CADM2: variants seen among roughly 807,000 people sequenced by gnomAD.
CADM2 encodes the protein immunoglobulin superfamily member 4D.
Under a neutral mutation model 49.8 loss-of-function variants are expected in CADM2, and 12 were observed. That is an observed-to-expected ratio of 0.24 (90% CI 0.15 to 0.39). CADM2 has a LOEUF of 0.39. CADM2 is among the 10% of genes least tolerant of loss of function. The pLI is 1.00. For missense variants in CADM2, 378 were observed against 492.3 expected (o/e 0.77, Z 2.20); for synonymous variants, 214 against 175.4 (o/e 1.22, Z -1.74).
chr3:85,487,652 GAGGAGGAGA>G (rs1394170843), intron 1 of CADM2, among the ~76,000 whole-genome samples: 1 of 151,852 alleles, frequency 6.6e-6, no homozygotes, highest in East Asian at 1.9e-4. Flanking sequence ...GGAGGAGGAG[GAGGAGGAGA>G]AGGAGAAAAC....
intron 1 of CADM2, among the ~76,000 whole-genome samples, chr3:85,423,053 G>A (rs1272750705): frequency 6.6e-6 from 1 of 152,094 alleles, no homozygotes; most frequent in Non-Finnish European, 1.5e-5. Context: ...GAGAGATGGA[G>A]GTGGCTTTCA....
intron 1 of CADM2, among the ~76,000 whole-genome samples, chr3:84,967,842 G>A (rs1294942827): frequency 1.3e-4 from 20 of 152,016 alleles, no homozygotes; most frequent in Non-Finnish European, 2.9e-5. Flanking sequence ...TTTTGTTATT[G>A]TTACTATTGC....
At chr3:85,592,813 T>A (rs2063143749) in intron 1 of CADM2, among the ~76,000 whole-genome samples, 1 of 151,830 alleles carries the variant, frequency 6.6e-6, no homozygotes, top group Admixed American at 6.6e-5. Flanking sequence ...CACCAACGCG[T>A]CATCTACATT....
intron 8 of CADM2, among the ~76,000 whole-genome samples, chr3:85,969,417 A>T (rs1032732426): frequency 6.6e-6 from 1 of 151,392 alleles, no homozygotes; most frequent in African/African-American, 2.4e-5. Context: ...TGCACAAGAA[A>T]TGCTGCCAGA....
chr3:85,778,269 G>T (rs2070456859), intron 2 of CADM2, among the ~76,000 whole-genome samples: 1 of 152,046 alleles, frequency 6.6e-6, no homozygotes, highest in Non-Finnish European at 1.5e-5. Flanking sequence ...ATCCATATGT[G>T]TATATGTGGA....
At chr3:85,308,011 C>T (rs372514715) in intron 1 of CADM2, among the ~76,000 whole-genome samples, 97 of 150,912 alleles carry the variant, frequency 6.4e-4, no homozygotes, top group African/African-American at 2.2e-3. Flanking sequence ...CTTCAACCTA[C>T]ACAAATGTGC....
chr3:85,919,508 A>G (rs1275320914), intron 6 of CADM2, among the ~76,000 whole-genome samples: 1 of 151,888 alleles, frequency 6.6e-6, no homozygotes, highest in Non-Finnish European at 1.5e-5. Flanking sequence ...ATTTAAAATA[A>G]CAGAAAAACG....
chr3:85,526,945 A>AT (rs1172533025), intron 1 of CADM2, among the ~76,000 whole-genome samples: 3 of 152,168 alleles, frequency 2.0e-5, no homozygotes, highest in South Asian at 2.1e-4. Flanking sequence ...TTAATCTGTG[A>AT]TTTTTTAACG....
intron 1 of CADM2, among the ~76,000 whole-genome samples, chr3:85,226,592 G>T (rs1023323413): frequency 2.6e-5 from 4 of 151,182 alleles, no homozygotes; most frequent in African/African-American, 9.8e-5. Context: ...TTGATATTTT[G>T]AAGAGTTTTT....
chr3:85,137,303 T>G (rs988918153), intron 1 of CADM2, among the ~76,000 whole-genome samples: 1 of 152,022 alleles, frequency 6.6e-6, no homozygotes, highest in African/African-American at 2.4e-5. Flanking sequence ...TGTGTCTTTT[T>G]ACAATCCCAG....
intron 7 of CADM2, among the ~76,000 whole-genome samples, chr3:85,937,869 G>A (rs367863146): frequency 1.3e-5 from 2 of 151,930 alleles, no homozygotes; most frequent in African/African-American, 4.8e-5. Flanking sequence ...GCTCCACAAC[G>A]TCTTCAAAGT....
chr3:85,198,074 C>A (rs1017451023), intron 1 of CADM2, among the ~76,000 whole-genome samples: 5 of 151,786 alleles, frequency 3.3e-5, no homozygotes, highest in African/African-American at 9.7e-5. Context: ...AACTCTGCTT[C>A]TTTTTTATAT....
intron 1 of CADM2, among the ~76,000 whole-genome samples, chr3:85,612,799 G>T (rs929713402): frequency 6.6e-6 from 1 of 151,508 alleles, no homozygotes; most frequent in Admixed American, 6.6e-5. Flanking sequence ...TAGCTGTGTT[G>T]GCAGCAAATT....
intron 1 of CADM2, among the ~76,000 whole-genome samples, chr3:85,558,853 TG>T (rs1316155141): frequency 1.3e-5 from 2 of 152,104 alleles, no homozygotes; most frequent in Non-Finnish European, 2.9e-5. Flanking sequence ...TGGAGAGAAG[TG>T]GTCTTTAAAT....
chr3:85,931,938 ATAAT>A (rs1046373686), intron 6 of CADM2, among the ~76,000 whole-genome samples: 14 of 151,404 alleles, frequency 9.2e-5, no homozygotes, highest in Admixed American at 2.6e-4. Context: ...AAATGGTTTA[ATAAT>A]TTTTAAGAGA....
At chr3:85,637,255 A>T (rs953200760) in intron 1 of CADM2, among the ~76,000 whole-genome samples, 1 of 152,156 alleles carries the variant, frequency 6.6e-6, no homozygotes, top group Non-Finnish European at 1.5e-5. Flanking sequence ...ATTTAATTGA[A>T]TTTTTTTCTT....
intron 1 of CADM2, among the ~76,000 whole-genome samples, chr3:85,253,801 A>C (rs918262798): frequency 6.6e-6 from 1 of 152,110 alleles, no homozygotes. Context: ...AATTTGGGTA[A>C]TTAAATTGCT....
chr3:85,959,870 T>C (rs1724601411), intron 7 of CADM2, among the ~76,000 whole-genome samples: 1 of 151,952 alleles, frequency 6.6e-6, no homozygotes, highest in Non-Finnish European at 1.5e-5. Flanking sequence ...CTATGGTGTT[T>C]GTATAATGAC....
intron 1 of CADM2, among the ~76,000 whole-genome samples, chr3:85,419,415 G>A (rs558203762): frequency 1.6e-3 from 241 of 151,364 alleles, no homozygotes; most frequent in African/African-American, 5.8e-3. Flanking sequence ...CGGAGATCGC[G>A]CCACTGCACT....
Sources: allele counts gnomAD v4.1 joint callset (sites outside exome capture counted in the v4.1 genomes callset), GRCh38; gene constraint gnomAD v4.1.1; transcripts MANE v1.5; gene names NCBI Gene and HGNC (gene_info 2026-07-23, HGNC 2026-07-21).